Variants in DNAJC1 observed in about 807,000 individuals in gnomAD.
The protein encoded by DNAJC1 is dnaJ homolog subfamily C member 1.
DNAJC1 carries 58 observed loss-of-function variants against 76.6 expected under a neutral mutation model. The observed-to-expected ratio is 0.76, with a 90% CI of 0.61 to 0.94. The LOEUF (loss-of-function observed/expected upper bound fraction) is 0.94, where lower values mean the gene tolerates loss of function less well. Ranked by LOEUF, DNAJC1 falls within the 40% of genes least tolerant of loss-of-function variation. The pLI, the probability that DNAJC1 is intolerant of heterozygous loss-of-function variation, is 0.00. For missense variants in DNAJC1, 689 were observed against 677.3 expected (o/e 1.02, Z -0.19); for synonymous variants, 258 against 267.9 (o/e 0.96, Z 0.36).
intron 8 of DNAJC1, among the ~76,000 whole-genome samples, chr10:21,876,530 T>C (rs896993772): frequency 6.6e-6 from 1 of 152,224 alleles, no homozygotes; most frequent in Admixed American, 6.5e-5. Flanking sequence ...CAATTAAATA[T>C]CTCAGCTGAA....
chr10:21,916,871 A>G (rs569017830), intron 6 of DNAJC1, among the ~76,000 whole-genome samples: 4 of 152,268 alleles, frequency 2.6e-5, no homozygotes, highest in African/African-American at 9.6e-5. Flanking sequence ...ACTGCATTAC[A>G]TTATTTTGTT....
intron 9 of DNAJC1, among the ~76,000 whole-genome samples, chr10:21,780,215 C>T (rs1834508750): frequency 1.3e-5 from 2 of 152,090 alleles, no homozygotes; most frequent in Admixed American, 6.5e-5. Context: ...GCAAGGCAGG[C>T]CAACATTCAA....
chr10:21,969,364 G>T (rs994480580), intron 1 of DNAJC1, among the ~76,000 whole-genome samples: 1 of 152,062 alleles, frequency 6.6e-6, no homozygotes, highest in Admixed American at 6.6e-5. Context: ...TCCAAAATAG[G>T]TATAAAAAAT....
chr10:21,910,828 GAAGGAGAGGAGAGGAGAGGA>G (rs1167485289), intron 6 of DNAJC1, among the ~76,000 whole-genome samples: 1 of 69,262 alleles, frequency 1.4e-5, no homozygotes, highest in Non-Finnish European at 2.7e-5. Context: ...GGAAAGAAAG[GAAGGAGAGGAGAGGAGAGGA>G]GAGGAGAGGA....
intron 7 of DNAJC1, among the ~76,000 whole-genome samples, chr10:21,892,552 C>A (rs1269794632): frequency 6.6e-6 from 1 of 151,826 alleles, no homozygotes; most frequent in African/African-American, 2.4e-5. Flanking sequence ...TTTAAATATA[C>A]AAACCATTTA....
At chr10:21,975,653 C>CGA (rs1438272988) in intron 1 of DNAJC1, among the ~76,000 whole-genome samples, 954 of 128,572 alleles carry the variant, frequency 7.4e-3, no homozygotes, top group East Asian at 0.011. Flanking sequence ...TACTTACTGT[C>CGA]CCTCTGTTAG....
chr10:21,778,792 C>T (rs547523547), intron 9 of DNAJC1, among the ~76,000 whole-genome samples: 11 of 152,176 alleles, frequency 7.2e-5, no homozygotes, highest in East Asian at 1.9e-4. Context: ...CGAAGCAGGG[C>T]GAGGCATTGC....
intron 1 of DNAJC1, among the ~76,000 whole-genome samples, chr10:21,939,133 C>T (rs924545515): frequency 1.3e-5 from 2 of 152,172 alleles, no homozygotes; most frequent in African/African-American, 4.8e-5. Flanking sequence ...TCGTGATTCA[C>T]CTACCTCAGC....
intron 7 of DNAJC1, among the ~76,000 whole-genome samples, chr10:21,892,701 C>A (rs926636575): frequency 6.6e-6 from 1 of 151,594 alleles, no homozygotes; most frequent in Admixed American, 6.6e-5. Context: ...ATATACCATA[C>A]AAACATTAAT....
chr10:21,778,488 A>C (rs1834481376), intron 9 of DNAJC1, among the ~76,000 whole-genome samples: 1 of 152,200 alleles, frequency 6.6e-6, no homozygotes, highest in South Asian at 2.1e-4. Flanking sequence ...TGAGAATGTT[A>C]GTTTGTATAT....
At chr10:22,002,204 T>A (rs1219567897) in intron 1 of DNAJC1, among the ~76,000 whole-genome samples, 1 of 152,226 alleles carries the variant, frequency 6.6e-6, no homozygotes, top group Admixed American at 6.5e-5. Flanking sequence ...GTGCCTTGAA[T>A]GGCAACTATC....
intron 9 of DNAJC1, among the ~76,000 whole-genome samples, chr10:21,782,470 G>T (rs542521066): frequency 7.9e-5 from 12 of 152,258 alleles, no homozygotes. Flanking sequence ...GTACAAGGAG[G>T]AGCTGGTACC....
chr10:22,001,973 T>A (rs953988316), intron 1 of DNAJC1, among the ~76,000 whole-genome samples: 2 of 152,232 alleles, frequency 1.3e-5, no homozygotes, highest in African/African-American at 4.8e-5. Context: ...TGCTTGCACA[T>A]ATGAATCTGA....
chr10:21,978,808 CAG>C (rs759844953), intron 1 of DNAJC1, among the ~76,000 whole-genome samples: 14 of 152,132 alleles, frequency 9.2e-5, no homozygotes, highest in African/African-American at 3.1e-4. Flanking sequence ...ACCATTTATT[CAG>C]AGTCTGTAAA....
intron 8 of DNAJC1, among the ~76,000 whole-genome samples, chr10:21,807,200 T>C (rs761622077): frequency 6.6e-5 from 10 of 152,080 alleles, no homozygotes; most frequent in Non-Finnish European, 1.2e-4. Context: ...CCTTTTCTAA[T>C]CACCATTTCC....
chr10:21,972,439 T>C (rs1478585900), intron 1 of DNAJC1, among the ~76,000 whole-genome samples: 1 of 151,970 alleles, frequency 6.6e-6, no homozygotes, highest in Admixed American at 6.6e-5. Context: ...TGTATTTAAA[T>C]CTAAAATAAA....
chr10:21,919,518 T>A (rs1837006195), intron 5 of DNAJC1, among the ~76,000 whole-genome samples: 1 of 151,960 alleles, frequency 6.6e-6, no homozygotes, highest in Non-Finnish European at 1.5e-5. Flanking sequence ...CTACATACTG[T>A]CACTCCTGAG....
chr10:21,961,515 T>C (rs1441417235), intron 1 of DNAJC1, among the ~76,000 whole-genome samples: 1 of 152,100 alleles, frequency 6.6e-6, no homozygotes, highest in Non-Finnish European at 1.5e-5. Flanking sequence ...AAGAAATATC[T>C]AGAATAGGCA....
At position 21,979,890 on chromosome 10, in the gene DNAJC1, A is replaced by C. The variant is rs555824303; in HGVS notation, c.222+23323T>G. ...AGCTTTCTGCTCCTATGACTTTTGC[A>C]GTCATATGTCAAAACTGCATATGTC... On this transcript the variant is annotated intron_variant, in intron 1 of 11. Transcript: ENST00000376980. Among the ~76,000 whole-genome samples the C allele has an allele frequency of 3.3e-5, 5 of 152,072 alleles. No individual in the cohort carries two copies. In the South Asian group the frequency reaches 1.0e-3, roughly 32 times the overall value.
Sources: allele counts gnomAD v4.1 joint callset (sites outside exome capture counted in the v4.1 genomes callset), GRCh38; gene constraint gnomAD v4.1.1; transcripts MANE v1.5; gene names NCBI Gene and HGNC (gene_info 2026-07-23, HGNC 2026-07-21).